The following ZNF446 variants were observed in gnomAD, a reference collection of about 807,000 sequenced individuals.
The protein encoded by ZNF446 is zinc finger protein 446.
In ZNF446, 42 loss-of-function variants were observed where a neutral mutation model predicts 34.0. The observed-to-expected ratio is 1.23, with a 90% CI of 0.96 to 1.60. The LOEUF (loss-of-function observed/expected upper bound fraction) is 1.60. ZNF446 is among the 40% of genes most tolerant of loss of function. The pLI is 0.00. For synonymous variants in ZNF446, 315 were observed against 251.0 expected (o/e 1.25, Z -2.41); for missense variants, 650 against 600.2 (o/e 1.08, Z -0.87).
chr19:58,487,598 C>G, the ZNF446 span, among the ~76,000 whole-genome samples: 1 of 151,972 alleles, frequency 6.6e-6, no homozygotes, highest in South Asian at 2.1e-4. Flanking sequence ...CACTTGAGGT[C>G]AGGAGTTCAA....
the ZNF446 span, among the ~76,000 whole-genome samples, chr19:58,487,001 C>T: frequency 1.8e-3 from 68 of 38,052 alleles, no homozygotes; most frequent in South Asian, 5.0e-3. Flanking sequence ...GGGGTTTCAC[C>T]GTGTTAGCCA....
chr19:58,481,955 G>A (rs1463647789), downstream of ZNF446, among the ~76,000 whole-genome samples: 4 of 152,048 alleles, frequency 2.6e-5, no homozygotes, highest in South Asian at 2.1e-4. Flanking sequence ...CACCACGCCC[G>A]GCTAATTTTT....
At position 58,477,949 on chromosome 19, in the gene ZNF446, CCT is replaced by C. The variant is rs2053103768; in HGVS notation, c.532+124_532+125del. The C allele has an allele frequency of 3.0e-6, 4 of 1,318,812 alleles. No homozygotes were observed. The South Asian group carries it at 5.9e-5, about 20-fold the overall frequency. 81.7% of individuals were successfully genotyped at this position (1,318,812 alleles called of 1,614,324 possible). A position where few individuals can be genotyped will look rare whatever the true frequency, so the allele number is the denominator to read the frequency against. On this transcript the variant is annotated intron_variant, in intron 3 of 6. Coordinates refer to ENST00000594369, the MANE Select transcript of ZNF446 (RefSeq NM_017908.4). ...GACTCCTGAAGTGAATGTGGATGTC[CCT>C]GTCTGGGATGGGGACCTGGGAGGCA...
At chr19:58,479,281 G>T (rs1341991366) in intron 4 of ZNF446, among the ~76,000 whole-genome samples, 1 of 152,136 alleles carries the variant, frequency 6.6e-6, no homozygotes, top group African/African-American at 2.4e-5. Flanking sequence ...TGTCCCTCAG[G>T]ATTATTTTTC....
chr19:58,484,948 C>T (rs1207125937), downstream of ZNF446, among the ~76,000 whole-genome samples: 1 of 151,956 alleles, frequency 6.6e-6, no homozygotes, highest in African/African-American at 2.4e-5. Context: ...GTCCCAACTA[C>T]TCGGGAGGCT....
rs139673627 is a variant in ZNF446, at chr19:58,478,139, C to A, written c.585C>A (p.His195Gln). 14 of 1,614,014 alleles carry A rather than the reference C, an allele frequency of 8.7e-6. No homozygotes were observed. In the African/African-American group the frequency reaches 1.7e-4, roughly 20 times the overall value. The change falls in exon 4 of 7, where the codon CAC (histidine) becomes CAA (glutamine). Residue 195 changes from histidine (H) to glutamine (Q), a missense_variant. Coordinates refer to ENST00000594369, the MANE Select transcript of ZNF446 (RefSeq NM_017908.4). ...AGTCCCCTGAGGGGAACCATGGACA[C>A]CAAGAACCAGCCTCCACATCCTTCC... ...AAQSPEGNHGHQEPASTSFHP... is the reference protein window; with the variant it reads ...AAQSPEGNHGQQEPASTSFHP...
intron 4 of ZNF446, 80 bp from the exon 5 acceptor site, chr19:58,479,563 C>T (rs747083955): frequency 7.4e-4 from 1,101 of 1,486,258 alleles, no homozygotes; most frequent in Non-Finnish European, 9.0e-4. Flanking sequence ...CTGACTCTTC[C>T]GGGTAATAGG....
chr19:58,477,350 G>A lies in ZNF446; in HGVS notation c.132G>A (p.Leu44=), dbSNP rs1233968077. ...AGGTGGCAGGTCCCCGAGAAGCCCT[G>A]GCCCGGCTGCGTGAGCTGTGTTGCC... ...YQEVAGPREA[L]ARLRELCCQW... Residue 44 remains leucine (L), a synonymous_variant, in exon 2 of 7, where the codon CTG becomes CTA. Transcript: ENST00000594369. 10 of 1,613,336 alleles carry A rather than the reference G, an allele frequency of 6.2e-6. No individual in the cohort carries two copies. Among genetic ancestry groups the A allele is most frequent in the Non-Finnish European group, 8.5e-6 (10 of 1,180,022 alleles).
At chr19:58,479,901 A>T in intron 5 of ZNF446, 29 bp from the exon 6 acceptor site, 5 of 1,536,790 alleles carry the variant, frequency 3.3e-6, no homozygotes, top group African/African-American at 2.7e-5. Context: ...TGCAAACCCC[A>T]TGCCTAACTG....
chr19:58,478,678 A>C (rs2011666), intron 4 of ZNF446, among the ~76,000 whole-genome samples: 32,573 of 151,852 alleles, frequency 0.21, 3,924 homozygotes, highest in Non-Finnish European at 0.28. Context: ...AACAAAAAAA[A>C]AAAAAAGGAT....
intron 5 of ZNF446, 83 bp downstream of exon 5, chr19:58,479,810 G>A (rs765628161): frequency 5.3e-6 from 8 of 1,497,192 alleles, no homozygotes; most frequent in Non-Finnish European, 6.4e-6. Context: ...CAGGGCCTCT[G>A]TGCTACCAGC....
chr19:58,486,953 C>T, the ZNF446 span, among the ~76,000 whole-genome samples: 1 of 151,928 alleles, frequency 6.6e-6, no homozygotes, highest in Admixed American at 6.6e-5. Flanking sequence ...CAGGTGCCCG[C>T]CACCACACCC....
chr19:58,480,430 A>G lies in ZNF446; in HGVS notation c.1057A>G (p.Thr353Ala). The G allele has an allele frequency of 6.2e-7, 1 of 1,612,596 alleles. No homozygotes were observed. The highest frequency in any genetic ancestry group is 8.5e-7 in the Non-Finnish European group (1 of 1,179,856). The change falls in exon 7 of 7, where the codon ACA becomes GCA. Residue 353 changes from threonine to alanine, a missense_variant. Thr to Ala is a moderately conservative substitution (Grantham distance 58). Coordinates refer to ENST00000594369, the MANE Select transcript of ZNF446 (RefSeq NM_017908.4). The surrounding 1 kb of genome is among the most constrained non-coding windows in gnomAD (Gnocchi z 7.2). ...GTCAGTGTTCGTCATCCACCACCGG[A>G]CACACACGAGTGGGCCAGGTGTGCA... Reference protein sequence around the residue: ...WKSVFVIHHRTHTSGPGVQSP... With the variant: ...WKSVFVIHHRAHTSGPGVQSP...
Position 58,480,783 on chromosome 19 carries a change from C to A in ZNF446, c.*57C>A. On this transcript the variant is annotated 3_prime_UTR_variant, in exon 7 of 7. Coordinates refer to ENST00000594369, the MANE Select transcript of ZNF446 (RefSeq NM_017908.4). This position sits in a 1 kb window ranked among gnomAD's most constrained non-coding sequence, Gnocchi z 7.2. The stretch of plus-strand genomic sequence containing the variant: ...GGTGTTCTCGGGGCCTGGATACAGC[C>A]TCTGGGGCACCAGCAGAAGACTCTG... The A allele has an allele frequency of 6.5e-7, 1 of 1,548,312 alleles. No individual in the cohort carries two copies. The highest frequency in any genetic ancestry group is 8.7e-7 in the Non-Finnish European group (1 of 1,148,126).
the ZNF446 span, among the ~76,000 whole-genome samples, chr19:58,488,117 C>T: frequency 4.7e-5 from 7 of 148,070 alleles, no homozygotes; most frequent in Admixed American, 2.7e-4. Flanking sequence ...CTGCCTTGCC[C>T]GTGACCACAC....
chr19:58,483,180 CAAA>C (rs11334915), downstream of ZNF446, among the ~76,000 whole-genome samples: 1 of 138,324 alleles, frequency 7.2e-6, no homozygotes, highest in African/African-American at 2.6e-5. Flanking sequence ...ACCTTGTCTC[CAAA>C]AAAAAAAAAA....
chr19:58,480,248 AG>A lies in ZNF446; in HGVS notation c.878del (p.Gly293AlafsTer73). ...PPQGPGPAAW[E>X]GLSGAATPAP... is the part of the protein sequence containing the mutation. ...CAGGGCCCAGGGCCGGCAGCCTGGG[AG>A]GGCTTGTCTGGGGCTGCCACTCCTG... On this transcript the variant is annotated frameshift_variant, in exon 7 of 7. Coordinates refer to ENST00000594369, the MANE Select transcript of ZNF446 (RefSeq NM_017908.4). LOFTEE classifies it low-confidence loss of function (END_TRUNC). This position sits in a 1 kb window ranked among gnomAD's most constrained non-coding sequence, Gnocchi z 7.2. 1 of 1,584,098 alleles carries A rather than the reference AG, an allele frequency of 6.3e-7. No individual in the cohort carries two copies. The highest frequency in any genetic ancestry group is 1.3e-5 in the African/African-American group (1 of 74,580).
downstream of ZNF446, among the ~76,000 whole-genome samples, chr19:58,481,588 A>C (rs1311221810): frequency 1.3e-5 from 2 of 152,222 alleles, no homozygotes; most frequent in Non-Finnish European, 2.9e-5. Flanking sequence ...TTAGCTGGTC[A>C]TGCAGCAGGA....
rs766022624 is a variant in ZNF446 at position 58,480,277 on chromosome 19, C to T, written c.904C>T (p.Pro302Ser). The change falls in exon 7 of 7, where the codon CCC becomes TCC. Residue 302 changes from proline (P) to serine (S), a missense_variant. Pro to Ser is a moderately conservative substitution (Grantham distance 74). Coordinates refer to ENST00000594369, the MANE Select transcript of ZNF446 (RefSeq NM_017908.4). This position sits in a 1 kb window ranked among gnomAD's most constrained non-coding sequence, Gnocchi z 7.2. The part of the protein sequence containing the change: ...EGLSGAATPA[P>S]TVRPGTPPVP... ...CTTGTCTGGGGCTGCCACTCCTGCC[C>T]CCACTGTGCGCCCAGGGACACCGCC... is the stretch of plus-strand genomic sequence containing the variant. 1.3e-6 allele frequency: 2 copies of T among 1,578,676 alleles called. No homozygotes were observed. The highest frequency in any genetic ancestry group is 1.3e-5 in the African/African-American group (1 of 74,418).
Sources: allele counts gnomAD v4.1 joint callset (sites outside exome capture counted in the v4.1 genomes callset), GRCh38; gene constraint gnomAD v4.1.1; non-coding constraint Gnocchi (gnomAD v3.1); transcripts MANE v1.5; gene names NCBI Gene and HGNC (gene_info 2026-07-23, HGNC 2026-07-21).